The following EFNA5 variants were observed in gnomAD, a reference collection of about 807,000 sequenced individuals.
The protein encoded by EFNA5 is ephrin A5, also known as ephrin-A5.
A neutral mutation model predicts 22.9 loss-of-function variants in EFNA5; 5 were observed. The ratio of observed to expected loss-of-function variants is 0.22; its 90% CI spans 0.11 to 0.46. The LOEUF is 0.46. Ranked by LOEUF, EFNA5 falls within the 20% of genes least tolerant of loss-of-function variation. The probability of loss-of-function intolerance (pLI) is 0.99; values close to 1 mark genes in which losing one functional copy is unlikely to be tolerated. For synonymous variants in EFNA5, 113 were observed against 112.2 expected, an observed-to-expected ratio of 1.01 and a Z score of -0.04; for missense variants, 237 against 293.3, an observed-to-expected ratio of 0.81 and a Z score of 1.40.
chr5:107,562,546 G>C (rs1399910419), intron 1 of EFNA5, among the ~76,000 whole-genome samples: 2 of 152,042 alleles, frequency 1.3e-5, no homozygotes, highest in African/African-American at 4.8e-5. Flanking sequence ...AGTATAATTG[G>C]TATGTTCTAG....
At chr5:107,395,661 T>G (rs1747902895) in intron 2 of EFNA5, among the ~76,000 whole-genome samples, 1 of 152,232 alleles carries the variant, frequency 6.6e-6, no homozygotes, top group African/African-American at 2.4e-5. Flanking sequence ...AATATTTAAG[T>G]GACTTTCTCA....
At position 107,553,011 on chromosome 5, in the gene EFNA5, T is replaced by C. The variant is rs180967882; in HGVS notation, c.125+117478A>G. Among the ~76,000 whole-genome samples the C allele has an allele frequency of 5.1e-3, 739 of 143,862 alleles. 1 individual carries two copies. Among genetic ancestry groups the C allele is most frequent in the Non-Finnish European group, 8.4e-3 (572 of 67,860 alleles). 94.4% of individuals were successfully genotyped at this position (143,862 alleles called of 152,430 possible). On this transcript the variant is annotated intron_variant, in intron 1 of 4. Transcript: ENST00000333274. The stretch of plus-strand genomic sequence containing the variant: ...AAGGATAAATAAATGCAAGTTGCTA[T>C]TTTTTTTATTATAGCCCTCCTCTAA...
chr5:107,440,618 C>G (rs1419820862), intron 1 of EFNA5, among the ~76,000 whole-genome samples: 2 of 152,194 alleles, frequency 1.3e-5, no homozygotes, highest in Admixed American at 6.6e-5. Context: ...AGGGTCACAA[C>G]TTACTTTCTT....
At chr5:107,639,531 G>T (rs1750457775) in intron 1 of EFNA5, among the ~76,000 whole-genome samples, 2 of 152,208 alleles carry the variant, frequency 1.3e-5, no homozygotes, top group African/African-American at 4.8e-5. Flanking sequence ...CATATGCACA[G>T]TGCTTGAAAA....
chr5:107,427,470 A>G lies in EFNA5; in HGVS notation c.165T>C (p.Asn55=). The change falls in exon 2 of 5, where the codon AAT becomes AAC. Residue 55 remains asparagine (N), a synonymous_variant. Transcript: ENST00000333274. ...RGDYHIDVCI[N]DYLDVFCPHY... ...GAGGGCAGAAAACATCCAGGTAGTC[A>G]TTGATACAGACATCAATATGGTAGT... The G allele has an allele frequency of 6.2e-7, 1 of 1,613,914 alleles. No individual in the cohort carries two copies. Among genetic ancestry groups the G allele is most frequent in the Non-Finnish European group, 8.5e-7 (1 of 1,179,908 alleles).
intron 1 of EFNA5, among the ~76,000 whole-genome samples, chr5:107,436,790 G>T (rs1258502820): frequency 6.6e-6 from 1 of 152,064 alleles, no homozygotes; most frequent in African/African-American, 2.4e-5. Context: ...CAGGGGATGT[G>T]GGCGTCAATC....
At chr5:107,556,946 T>C (rs1181767191) in intron 1 of EFNA5, among the ~76,000 whole-genome samples, 1 of 152,074 alleles carries the variant, frequency 6.6e-6, no homozygotes, top group East Asian at 1.9e-4. Context: ...TTTGATCTCA[T>C]TCAGGTCCCT....
chr5:107,432,271 C>T (rs116133054), intron 1 of EFNA5, among the ~76,000 whole-genome samples: 3,130 of 152,244 alleles, frequency 0.021, 96 homozygotes, highest in African/African-American at 0.072. Context: ...AATCTTTTTT[C>T]CATCAGGAAG....
intron 1 of EFNA5, among the ~76,000 whole-genome samples, chr5:107,602,992 G>A (rs1176601558): frequency 2.6e-5 from 4 of 152,274 alleles, no homozygotes; most frequent in South Asian, 4.2e-4. Flanking sequence ...GAAGGCTCCC[G>A]AGTGCATTCC....
intron 1 of EFNA5, among the ~76,000 whole-genome samples, chr5:107,548,603 A>G (rs561391145): frequency 6.6e-6 from 1 of 152,356 alleles, no homozygotes; most frequent in African/African-American, 2.4e-5. Context: ...TGTCACATAA[A>G]TAACACAGCA....
chr5:107,553,370 C>A (rs191607787), intron 1 of EFNA5, among the ~76,000 whole-genome samples: 66 of 152,238 alleles, frequency 4.3e-4, no homozygotes, highest in Middle Eastern at 3.4e-3. Flanking sequence ...AAGAAAAGAT[C>A]TCAGCCCCAC....
chr5:107,426,580 A>G (rs1748815110), intron 2 of EFNA5, among the ~76,000 whole-genome samples: 1 of 152,256 alleles, frequency 6.6e-6, no homozygotes, highest in Non-Finnish European at 1.5e-5. Context: ...TGATTAATAC[A>G]GAAGTCTACT....
At chr5:107,392,121 T>C (rs1208621597) in intron 2 of EFNA5, among the ~76,000 whole-genome samples, 1 of 152,184 alleles carries the variant, frequency 6.6e-6, no homozygotes, top group Non-Finnish European at 1.5e-5. Context: ...CATTCAGACA[T>C]AGTAGAGAAC....
At chr5:107,552,335 G>A (rs1021130045) in intron 1 of EFNA5, among the ~76,000 whole-genome samples, 4 of 152,148 alleles carry the variant, frequency 2.6e-5, no homozygotes, top group African/African-American at 9.7e-5. Context: ...TTAACTGAGG[G>A]CTGATTATAT....
intron 1 of EFNA5, among the ~76,000 whole-genome samples, chr5:107,616,311 A>T (rs1749912114): frequency 6.6e-6 from 1 of 152,206 alleles, no homozygotes; most frequent in Admixed American, 6.5e-5. Flanking sequence ...TTTGCTTTAG[A>T]ATATAATATA....
intron 1 of EFNA5, among the ~76,000 whole-genome samples, chr5:107,429,566 C>G (rs146616442): frequency 6.6e-6 from 1 of 152,308 alleles, no homozygotes; most frequent in Non-Finnish European, 1.5e-5. Flanking sequence ...TTCATTTTGA[C>G]TAAGTAGACC....
chr5:107,505,454 T>C (rs1044783801), intron 1 of EFNA5, among the ~76,000 whole-genome samples: 3 of 152,324 alleles, frequency 2.0e-5, no homozygotes, highest in Admixed American at 2.0e-4. Context: ...TCTGGACAGC[T>C]GGAAATCATA....
chr5:107,593,524 C>T (rs1402345589), intron 1 of EFNA5, among the ~76,000 whole-genome samples: 3 of 152,152 alleles, frequency 2.0e-5, no homozygotes, highest in Non-Finnish European at 4.4e-5. Context: ...ACCTCGAGAG[C>T]AGAGGGGCTC....
Position 107,616,814 on chromosome 5 carries a change from A to T in EFNA5, c.125+53675T>A, listed in dbSNP as rs540926746. Among the ~76,000 whole-genome samples, 9 of 152,292 alleles carry T rather than the reference A, an allele frequency of 5.9e-5. No individual in the cohort carries two copies. In the South Asian group the frequency reaches 1.9e-3, roughly 32 times the overall value. On this transcript the variant is annotated intron_variant, in intron 1 of 4. Coordinates refer to ENST00000333274, the MANE Select transcript of EFNA5 (RefSeq NM_001962.3). ...GAACTTTTAGGAGCCAATCCTTTTT[A>T]CTCAACAAACAAAAATCACATTTTT... is the stretch of plus-strand genomic sequence containing the variant.
Sources: allele counts gnomAD v4.1 joint callset (sites outside exome capture counted in the v4.1 genomes callset), GRCh38; gene constraint gnomAD v4.1.1; transcripts MANE v1.5; gene names NCBI Gene and HGNC (gene_info 2026-07-23, HGNC 2026-07-21).